The following ENOX1 variants were observed in gnomAD, a reference collection of about 807,000 sequenced individuals.
ENOX1 encodes the protein candidate growth-related and time keeping constitutive hydroquinone (NADH) oxidase.
ENOX1 carries 42 observed loss-of-function variants against 82.5 expected under a neutral mutation model. That is an observed-to-expected ratio of 0.51 (90% CI 0.40 to 0.66). The LOEUF (loss-of-function observed/expected upper bound fraction) is 0.66, where lower values mean the gene tolerates loss of function less well. ENOX1 is among the 30% of genes least tolerant of loss of function. The pLI is 0.00. For synonymous variants in ENOX1, 271 were observed against 282.2 expected (o/e 0.96, Z 0.40); for missense variants, 608 against 811.6 (o/e 0.75, Z 3.05).
At chr13:43,409,040 CAA>C (rs11424006) in intron 5 of ENOX1, among the ~76,000 whole-genome samples, 8,217 of 87,538 alleles carry the variant, frequency 0.094, 287 homozygotes, top group South Asian at 0.15. Context: ...AAATATAAAC[CAA>C]AAAAAAAAAA....
At chr13:43,715,768 A>AGGCTTCTGC (rs781293481) in intron 1 of ENOX1, among the ~76,000 whole-genome samples, 24 of 151,998 alleles carry the variant, frequency 1.6e-4, no homozygotes, top group Admixed American at 4.6e-4. Context: ...TCGGCTCCTG[A>AGGCTTCTGC]GGCTTCTGCA....
At chr13:43,252,196 T>C (rs138887157) in intron 14 of ENOX1, among the ~76,000 whole-genome samples, 26 of 152,268 alleles carry the variant, frequency 1.7e-4, no homozygotes, top group East Asian at 1.4e-3. Context: ...GAGAGGCTGA[T>C]AGAACAATAG....
At chr13:43,646,590 C>T (rs1156705465) in intron 2 of ENOX1, among the ~76,000 whole-genome samples, 3 of 152,180 alleles carry the variant, frequency 2.0e-5, no homozygotes, top group Admixed American at 6.5e-5. Flanking sequence ...CATCTGTACA[C>T]CAAAGACAAG....
intron 3 of ENOX1, among the ~76,000 whole-genome samples, chr13:43,483,773 T>A (rs1019047958): frequency 3.3e-5 from 5 of 152,190 alleles, no homozygotes; most frequent in African/African-American, 1.2e-4. Flanking sequence ...TTTAAGTCAA[T>A]GTGGGGTATA....
chr13:43,322,614 T>G, intron 10 of ENOX1, 113 bp from the exon 11 acceptor site: 1 of 861,792 alleles, frequency 1.2e-6, no homozygotes, highest in South Asian at 1.7e-5. Flanking sequence ...AGCTTTTATC[T>G]CCCAAATATA....
At chr13:43,243,165 G>T (rs1435060361) in intron 14 of ENOX1, among the ~76,000 whole-genome samples, 1 of 148,182 alleles carries the variant, frequency 6.7e-6, no homozygotes, top group African/African-American at 2.5e-5. Flanking sequence ...AAAAATCTGA[G>T]TCCAGGTCCT....
At chr13:43,487,395 T>C (rs1292138978) in intron 2 of ENOX1, among the ~76,000 whole-genome samples, 1 of 152,134 alleles carries the variant, frequency 6.6e-6, no homozygotes, top group African/African-American at 2.4e-5. Flanking sequence ...TCTATTATAA[T>C]TGAAAAGCCA....
intron 2 of ENOX1, among the ~76,000 whole-genome samples, chr13:43,592,862 C>T (rs182980791): frequency 6.6e-6 from 1 of 152,292 alleles, no homozygotes; most frequent in African/African-American, 2.4e-5. Flanking sequence ...TTCTTTGGCA[C>T]ATTAAAAATT....
intron 3 of ENOX1, among the ~76,000 whole-genome samples, chr13:43,456,570 AAGGAGCCAGTCCCT>A (rs2057241277): frequency 6.6e-6 from 1 of 152,058 alleles, no homozygotes; most frequent in East Asian, 1.9e-4. Flanking sequence ...ACCCCTGCCT[AAGGAGCCAGTCCCT>A]AGCTGTAGGT....
intron 2 of ENOX1, among the ~76,000 whole-genome samples, chr13:43,593,696 AC>A (rs2081344696): frequency 7.0e-6 from 1 of 142,354 alleles, no homozygotes; most frequent in Admixed American, 7.2e-5. Flanking sequence ...ACACACACAC[AC>A]ACACACACAC....
At chr13:43,258,137 C>T (rs1270978728) in intron 14 of ENOX1, among the ~76,000 whole-genome samples, 2 of 152,198 alleles carry the variant, frequency 1.3e-5, no homozygotes, top group Non-Finnish European at 2.9e-5. Flanking sequence ...GGGAAGGAAA[C>T]TTCTCTGAGC....
intron 9 of ENOX1, among the ~76,000 whole-genome samples, chr13:43,335,859 C>G (rs2048677627): frequency 6.6e-6 from 1 of 151,402 alleles, no homozygotes; most frequent in Non-Finnish European, 1.5e-5. Flanking sequence ...TCCTGTGAAA[C>G]AGAACATTCT....
rs779293412 is a variant in ENOX1, at chr13:43,344,757, A to G, written c.824-7T>C. The G allele has an allele frequency of 1.4e-5, 23 of 1,612,742 alleles. No individual in the cohort carries two copies. Among genetic ancestry groups the G allele is most frequent in the South Asian group, 3.3e-5 (3 of 90,908 alleles). ...TCTGAAAACTTGCTATCATCTGGAAATGGAAAACCACCAAGTACAAATCAT... is the reference window on the plus strand; with the variant it reads ...TCTGAAAACTTGCTATCATCTGGAAGTGGAAAACCACCAAGTACAAATCAT... On this transcript the variant is annotated splice_polypyrimidine_tract_variant and splice_region_variant and intron_variant, in intron 8 of 16. Coordinates refer to ENST00000690772, the MANE Select transcript of ENOX1 (RefSeq NM_001347969.2).
intron 1 of ENOX1, among the ~76,000 whole-genome samples, chr13:43,783,553 G>C (rs1273146487): frequency 3.3e-5 from 5 of 152,114 alleles, no homozygotes; most frequent in African/African-American, 4.8e-5. Context: ...AATATTAAAG[G>C]GTCAGGCTAG....
At chr13:43,221,790 C>T (rs2041803790) in intron 16 of ENOX1, among the ~76,000 whole-genome samples, 1 of 152,014 alleles carries the variant, frequency 6.6e-6, no homozygotes, top group African/African-American at 2.4e-5. Flanking sequence ...CATATGTAGC[C>T]TTTGGGGAAA....
intron 5 of ENOX1, among the ~76,000 whole-genome samples, chr13:43,385,514 AAAC>A (rs1180870604): frequency 6.6e-6 from 1 of 152,220 alleles, no homozygotes; most frequent in Non-Finnish European, 1.5e-5. Flanking sequence ...GTTCAAATAA[AAAC>A]AAGATATTTT....
intron 14 of ENOX1, among the ~76,000 whole-genome samples, chr13:43,251,021 T>C (rs962892826): frequency 6.6e-6 from 1 of 152,170 alleles, no homozygotes; most frequent in African/African-American, 2.4e-5. Context: ...AGCTTGGACC[T>C]GCCCAGTGGA....
chr13:43,294,296 A>G lies in ENOX1; in HGVS notation c.1446+4050T>C, dbSNP rs149857249. ...ATCCAAATATTTATTAGTCCTGTCA[A>G]TATGATTTACACAAGGCTTCAAAAA... On this transcript the variant is annotated intron_variant, in intron 12 of 16. Transcript: ENST00000690772. 2.6e-5 allele frequency among the ~76,000 whole-genome samples: 4 copies of G among 152,356 alleles called. No individual in the cohort carries two copies. The East Asian group carries it at 7.7e-4, about 29-fold the overall frequency.
At chr13:43,426,651 C>T (rs920283916) in intron 3 of ENOX1, among the ~76,000 whole-genome samples, 1 of 152,112 alleles carries the variant, frequency 6.6e-6, no homozygotes, top group Non-Finnish European at 1.5e-5. Flanking sequence ...TTAAGCAGTG[C>T]AGTGTCTGAA....
Sources: gnomAD v4.1 joint callset for allele counts (sites outside exome capture counted in the v4.1 genomes callset) on GRCh38, gnomAD v4.1.1 for gene constraint, MANE v1.5 for transcripts, NCBI Gene and HGNC (gene_info 2026-07-23, HGNC 2026-07-21) for gene names.